SLC25A46: variants seen among roughly 807,000 people sequenced by gnomAD.
The protein encoded by SLC25A46 is mitochondrial outer membrane protein SLC25A46.
In SLC25A46, 39 loss-of-function variants were observed where a neutral mutation model predicts 44.6. The ratio of observed to expected loss-of-function variants is 0.87; its 90% CI spans 0.68 to 1.14. The LOEUF is 1.14. Ranked by LOEUF, SLC25A46 falls within the 50% of genes most tolerant of loss-of-function variation. SLC25A46 has a pLI of 0.00. For synonymous variants in SLC25A46, 202 were observed against 185.8 expected (o/e 1.09, Z -0.71); for missense variants, 547 against 522.7 (o/e 1.05, Z -0.45).
At chr5:110,755,852 A>G (rs961212806) in intron 6 of SLC25A46, 14 of 166,574 alleles carry the variant, frequency 8.4e-5, no homozygotes, top group Non-Finnish European at 1.8e-4. Context: ...CAGAGATGCA[A>G]ATGTATTTGT....
chr5:110,741,853 G>C (rs912757924), intron 1 of SLC25A46, 194 bp from the exon 2 acceptor site: 6 of 505,174 alleles, frequency 1.2e-5, no homozygotes, highest in Admixed American at 7.7e-5. Context: ...CTTGCAATTT[G>C]CCACAGACCC....
upstream of SLC25A46, chr5:110,738,357 A>C: frequency 1.3e-6 from 1 of 745,194 alleles, no homozygotes; most frequent in Non-Finnish European, 1.7e-6. Context: ...CACATCAGAA[A>C]AAAATACGAC....
chr5:110,738,653 A>C, upstream of SLC25A46: 1 of 211,666 alleles, frequency 4.7e-6, no homozygotes, highest in Non-Finnish European at 9.6e-6. Flanking sequence ...GCGAGGCACC[A>C]GGCCCGTGAG....
rs781624687 is a variant in SLC25A46, at chr5:110,748,270, T to C, written c.563+7T>C. ...AATTTACACCTTTGCCAAGGTACCATTTTTAGCATTTCTTCAGTATTAGTT... is the reference window on the plus strand; with the variant it reads ...AATTTACACCTTTGCCAAGGTACCACTTTTAGCATTTCTTCAGTATTAGTT... On this transcript the variant is annotated splice_region_variant and intron_variant, in intron 5 of 7. Coordinates refer to ENST00000355943, the MANE Select transcript of SLC25A46 (RefSeq NM_138773.4). The C allele has an allele frequency of 5.6e-6, 9 of 1,607,314 alleles. No individual in the cohort carries two copies. Among genetic ancestry groups the C allele is most frequent in the Non-Finnish European group, 7.7e-6 (9 of 1,174,226 alleles).
At chr5:110,753,147 A>G (rs1447746580) in intron 5 of SLC25A46, among the ~76,000 whole-genome samples, 1 of 152,106 alleles carries the variant, frequency 6.6e-6, no homozygotes, top group East Asian at 1.9e-4. Context: ...AGACTTTGGT[A>G]AGAGCTGTTT....
At position 110,763,114 on chromosome 5, in the gene SLC25A46, A is replaced by G. The variant is rs1271199620; in HGVS notation, c.*1332A>G. The G allele has an allele frequency of 6.6e-6, 1 of 151,934 alleles. No homozygotes were observed. The highest frequency in any genetic ancestry group is 1.5e-5 in the Non-Finnish European group (1 of 67,890). The allele number at this position is 151,934 out of a possible 1,614,324, so 9.4% of individuals were successfully genotyped here. On this transcript the variant is annotated 3_prime_UTR_variant, in exon 8 of 8. Coordinates refer to ENST00000355943, the MANE Select transcript of SLC25A46 (RefSeq NM_138773.4). Reference sequence around the variant, plus strand: ...ATTTGGTGGGTTAAGCACTTTGTGTAGTAAAATGATATGTGTCTGCTCTAT... The same window carrying G: ...ATTTGGTGGGTTAAGCACTTTGTGTGGTAAAATGATATGTGTCTGCTCTAT...
chr5:110,743,029 G>A (rs1169526373), intron 2 of SLC25A46, among the ~76,000 whole-genome samples: 1 of 151,930 alleles, frequency 6.6e-6, no homozygotes, highest in East Asian at 1.9e-4. Context: ...TTTCCATTCT[G>A]CTGGAGTTGT....
intron 7 of SLC25A46, among the ~76,000 whole-genome samples, chr5:110,757,580 CTT>C (rs1284483932): frequency 6.6e-6 from 1 of 152,002 alleles, no homozygotes; most frequent in Non-Finnish European, 1.5e-5. Flanking sequence ...TATCATTCAT[CTT>C]TGATTTATGA....
At chr5:110,738,213 C>G, upstream of SLC25A46, 1 of 1,286,414 alleles carries the variant, frequency 7.8e-7, no homozygotes, top group Non-Finnish European at 1.0e-6. Context: ...GGGGAGGGAG[C>G]CTGGCCCAAG....
Position 110,739,417 on chromosome 5 carries a change from G to A in SLC25A46, c.283+15G>A. 1 of 1,536,196 alleles carries A rather than the reference G, an allele frequency of 6.5e-7. No homozygotes were observed. The highest frequency in any genetic ancestry group is 8.7e-7 in the Non-Finnish European group (1 of 1,147,092). ...GCAGAGCAGTGGTGAGAAGCATGGG[G>A]ACCGACACAGGGATGAGGGGTTACT... On this transcript the variant is annotated intron_variant, in intron 1 of 7. Coordinates refer to ENST00000355943, the MANE Select transcript of SLC25A46 (RefSeq NM_138773.4).
chr5:110,761,633 A>G lies in SLC25A46; in HGVS notation c.1108A>G (p.Arg370Gly), dbSNP rs1483259722. ...AATTAATACACAATATGAGGGAATG[A>G]GAGACTGTATCAATACCATAAGGCA... ...LPINTQYEGM[R>G]DCINTIRQEE... Residue 370 changes from arginine (R) to glycine (G), a missense_variant, in exon 8 of 8, where the codon AGA (arginine) becomes GGA (glycine). Coordinates refer to ENST00000355943, the MANE Select transcript of SLC25A46 (RefSeq NM_138773.4). The surrounding 1 kb of genome is among the most constrained non-coding windows in gnomAD (Gnocchi z 5.3). 1 of 1,613,736 alleles carries G rather than the reference A, an allele frequency of 6.2e-7. No homozygotes were observed. The highest frequency in any genetic ancestry group is 2.2e-5 in the East Asian group (1 of 44,854).
intron 5 of SLC25A46, among the ~76,000 whole-genome samples, chr5:110,752,094 G>GT (rs1303004119): frequency 6.6e-6 from 1 of 152,002 alleles, no homozygotes; most frequent in Non-Finnish European, 1.5e-5. Context: ...CTAGCCTGGG[G>GT]TTTTTTAATT....
At position 110,761,552 on chromosome 5, in the gene SLC25A46, A is replaced by G. The variant is rs770292687; in HGVS notation, c.1027A>G (p.Ile343Val). Residue 343 changes from isoleucine (I) to valine (V), a missense_variant, in exon 8 of 8, where the codon ATT becomes GTT. Physicochemically the swap from Ile to Val is conservative, Grantham distance 29. Transcript: ENST00000355943. This position sits in a 1 kb window ranked among gnomAD's most constrained non-coding sequence, Gnocchi z 5.3. ...PLETVLHRLH[I>V]QGTRTIIDNT... ...GGAAACAGTTTTGCACCGCCTTCAC[A>G]TTCAAGGAACACGCACAATAATTGA... is the stretch of plus-strand genomic sequence containing the variant. 1.9e-6 allele frequency: 3 copies of G among 1,613,720 alleles called. No homozygotes were observed. Among genetic ancestry groups the G allele is most frequent in the East Asian group, 2.2e-5 (1 of 44,866 alleles).
chr5:110,752,944 G>A (rs1251841463), intron 5 of SLC25A46, among the ~76,000 whole-genome samples: 2 of 152,120 alleles, frequency 1.3e-5, no homozygotes, highest in Non-Finnish European at 2.9e-5. Context: ...AGGGGTGGCT[G>A]GGTTAAGAAA....
rs1415068320 is a variant in SLC25A46, at chr5:110,756,779, CATT to C, written c.678+21_678+23del. 2 of 1,486,342 alleles carry C rather than the reference CATT, an allele frequency of 1.3e-6. No individual in the cohort carries two copies. The highest frequency in any genetic ancestry group is 1.8e-6 in the Non-Finnish European group (2 of 1,118,908). 92.1% of individuals were successfully genotyped at this position (1,486,342 alleles called of 1,614,324 possible). On this transcript the variant is annotated intron_variant, in intron 7 of 7. Coordinates refer to ENST00000355943, the MANE Select transcript of SLC25A46 (RefSeq NM_138773.4). ...GTGCAGGTGAGCTTTTTTTTACTGT[CATT>C]TTTTTTTTATTTAAGAATAGTTTTT...
At chr5:110,757,606 T>C (rs935189758) in intron 7 of SLC25A46, among the ~76,000 whole-genome samples, 6 of 152,134 alleles carry the variant, frequency 3.9e-5, no homozygotes, top group African/African-American at 1.4e-4. Context: ...TTATTATTAT[T>C]ATTTCTGTTA....
At chr5:110,743,230 A>G (rs1799734645) in intron 2 of SLC25A46, among the ~76,000 whole-genome samples, 1 of 152,066 alleles carries the variant, frequency 6.6e-6, no homozygotes, top group African/African-American at 2.4e-5. Flanking sequence ...GGTCATTAAG[A>G]ATCTTATAAT....
In SLC25A46 at chr5:110,762,253, T is replaced by C. The variant is rs928912995; in HGVS notation, c.*471T>C. ...TTTAAGCAAATAAATTATGTCATTA[T>C]TGAAAAAGACTTAAGGGATGATTAG... On this transcript the variant is annotated 3_prime_UTR_variant, in exon 8 of 8. Coordinates refer to ENST00000355943, the MANE Select transcript of SLC25A46 (RefSeq NM_138773.4). The C allele has an allele frequency of 2.6e-5, 4 of 154,552 alleles. No individual in the cohort carries two copies. The highest frequency in any genetic ancestry group is 2.6e-4 in the Admixed American group (4 of 15,654). 9.6% of individuals were successfully genotyped at this position (154,552 alleles called of 1,614,324 possible). A position where few individuals can be genotyped will look rare whatever the true frequency, so the allele number is the denominator to read the frequency against.
Position 110,761,538 on chromosome 5 carries a change from T to C in SLC25A46, c.1013T>C (p.Leu338Ser), listed in dbSNP as rs758816308. 6.2e-7 allele frequency: 1 copy of C among 1,613,880 alleles called. No individual in the cohort carries two copies. Among genetic ancestry groups the C allele is most frequent in the South Asian group, 1.1e-5 (1 of 91,086 alleles). ...DVILYPLETV[L>S]HRLHIQGTRT... Reference sequence around the variant, plus strand: ...ATACTTTACCCATTGGAAACAGTTTTGCACCGCCTTCACATTCAAGGAACA... The same window carrying C: ...ATACTTTACCCATTGGAAACAGTTTCGCACCGCCTTCACATTCAAGGAACA... Residue 338 changes from leucine to serine, a missense_variant, in exon 8 of 8, where the codon TTG becomes TCG. Coordinates refer to ENST00000355943, the MANE Select transcript of SLC25A46 (RefSeq NM_138773.4). The surrounding 1 kb of genome is among the most constrained non-coding windows in gnomAD (Gnocchi z 5.3).
Sources: gnomAD v4.1 joint callset for allele counts (sites outside exome capture counted in the v4.1 genomes callset) on GRCh38, gnomAD v4.1.1 for gene constraint, Gnocchi (gnomAD v3.1) non-coding constraint, MANE v1.5 for transcripts, NCBI Gene and HGNC (gene_info 2026-07-23, HGNC 2026-07-21) for gene names.